The following MARK4 variants were observed in gnomAD, a reference collection of about 807,000 sequenced individuals.
The protein encoded by MARK4 is MAP/microtubule affinity-regulating kinase 4.
A neutral mutation model predicts 81.5 loss-of-function variants in MARK4; 19 were observed. That is an observed-to-expected ratio of 0.23 (90% CI 0.16 to 0.34). MARK4 has a LOEUF of 0.34. Ranked by LOEUF, MARK4 falls within the 10% of genes least tolerant of loss-of-function variation. MARK4 has a pLI of 1.00. For missense variants in MARK4, 772 were observed against 1,058.8 expected (o/e 0.73, Z 3.76); for synonymous variants, 436 against 439.0 (o/e 0.99, Z 0.08).
Position 45,304,662 on chromosome 19 carries a change from TCA to T in MARK4, c.*1955_*1956del, listed in dbSNP as rs1401134149. The T allele has an allele frequency of 1.3e-5, 2 of 152,202 alleles. No individual in the cohort carries two copies. Among genetic ancestry groups the T allele is most frequent in the Admixed American group, 1.3e-4 (2 of 15,252 alleles). 9.4% of individuals were successfully genotyped at this position (152,202 alleles called of 1,614,324 possible). A position where few individuals can be genotyped will look rare whatever the true frequency, so the allele number is the denominator to read the frequency against. On this transcript the variant is annotated 3_prime_UTR_variant, in exon 17 of 17. Transcript: ENST00000262891. The stretch of plus-strand genomic sequence containing the variant: ...AGCCCCAACACTGCCCTCATAGAGC[TCA>T]CAGTCCAATGGAGGAGGCAGATGTG...
intron 1 of MARK4, among the ~76,000 whole-genome samples, chr19:45,251,972 G>A (rs911797266): frequency 6.6e-6 from 1 of 150,660 alleles, no homozygotes; most frequent in Non-Finnish European, 1.5e-5. Flanking sequence ...TCCCCTCCAG[G>A]CCGTCCGCGT....
rs923088884 is a variant in MARK4 at position 45,304,641 on chromosome 19, C to G, written c.*1931C>G. ...GGACACAGTGGTAATCAAGACAGCC[C>G]CAACACTGCCCTCATAGAGCTCACA... is the stretch of plus-strand genomic sequence containing the variant. On this transcript the variant is annotated 3_prime_UTR_variant, in exon 17 of 17. Transcript: ENST00000262891. 3 of 152,200 alleles carry G rather than the reference C, an allele frequency of 2.0e-5. No individual in the cohort carries two copies. Among genetic ancestry groups the G allele is most frequent in the Non-Finnish European group, 4.4e-5 (3 of 68,080 alleles). The allele number at this position is 152,200 out of a possible 1,614,324, so 9.4% of individuals were successfully genotyped here.
At position 45,302,641 on chromosome 19, in the gene MARK4, C is replaced by T. The variant is rs1970993132; in HGVS notation, c.2190C>T (p.Arg730=). 6.5e-7 allele frequency: 1 copy of T among 1,541,680 alleles called. No homozygotes were observed. The highest frequency in any genetic ancestry group is 8.7e-7 in the Non-Finnish European group (1 of 1,149,896). The stretch of plus-strand genomic sequence containing the variant: ...CAGGCTTGCGGGGAGTTCTCTTCCG[C>T]CGTGTGGCGGGCACCGCCCTGGCCT... The part of the protein sequence containing the change: ...PRPGLRGVLF[R]RVAGTALAFR... Residue 730 remains arginine, a synonymous_variant, in exon 17 of 17, where the codon CGC becomes CGT. Coordinates refer to ENST00000262891, the MANE Select transcript of MARK4 (RefSeq NM_001199867.2). The surrounding 1 kb of genome is among the most constrained non-coding windows in gnomAD (Gnocchi z 4.9).
chr19:45,304,084 A>G lies in MARK4; in HGVS notation c.*1374A>G, dbSNP rs746996828. 2.0e-5 allele frequency: 3 copies of G among 152,272 alleles called. No individual in the cohort carries two copies. Among genetic ancestry groups the G allele is most frequent in the Non-Finnish European group, 4.4e-5 (3 of 68,052 alleles). 9.4% of individuals were successfully genotyped at this position (152,272 alleles called of 1,614,324 possible). A position where few individuals can be genotyped will look rare whatever the true frequency, so the allele number is the denominator to read the frequency against. On this transcript the variant is annotated 3_prime_UTR_variant, in exon 17 of 17. Coordinates refer to ENST00000262891, the MANE Select transcript of MARK4 (RefSeq NM_001199867.2). ...GTTGGTTTATGTTACTTAATAGTCC[A>G]GGGGCACCTGGCTTCAGGTAGGTTT...
intron 7 of MARK4, among the ~76,000 whole-genome samples, chr19:45,268,920 G>T (rs1970490095): frequency 6.6e-6 from 1 of 152,146 alleles, no homozygotes; most frequent in South Asian, 2.1e-4. Context: ...CACCTTAGAG[G>T]CTTCCATGAT....
intron 13 of MARK4, among the ~76,000 whole-genome samples, chr19:45,292,901 G>C (rs1336552921): frequency 6.6e-6 from 1 of 152,002 alleles, no homozygotes; most frequent in Non-Finnish European, 1.5e-5. Context: ...AGGCATTAAA[G>C]AGAATAAATC....
chr19:45,259,355 C>T (rs1283853932), intron 2 of MARK4, among the ~76,000 whole-genome samples, 166 bp downstream of exon 2: 1 of 152,148 alleles, frequency 6.6e-6, no homozygotes, highest in Non-Finnish European at 1.5e-5. Flanking sequence ...CCCAGAACCA[C>T]CCCCATGGGA....
In MARK4 at chr19:45,302,536, G is replaced by T. The variant is rs1027657475; in HGVS notation, c.2085G>T (p.Leu695=). The T allele has an allele frequency of 5.6e-6, 9 of 1,599,464 alleles. No homozygotes were observed. Among genetic ancestry groups the T allele is most frequent in the Non-Finnish European group, 7.6e-6 (9 of 1,178,344 alleles). ...GCTGCCGCCAGCCACAGCCGTTCCT[G>T]CTGGCCTGCCTGCACGGGGGTGCGG... ...RCRCRQPQPF[L]LACLHGGAGG... The change falls in exon 17 of 17, where the codon CTG becomes CTT. Residue 695 remains leucine (L), a synonymous_variant. Transcript: ENST00000262891. The surrounding 1 kb of genome is among the most constrained non-coding windows in gnomAD (Gnocchi z 4.9).
intron 13 of MARK4, among the ~76,000 whole-genome samples, chr19:45,290,390 G>A (rs1970805813): frequency 6.6e-6 from 1 of 152,242 alleles, no homozygotes; most frequent in African/African-American, 2.4e-5. Context: ...ATTGTGACTG[G>A]CCTTCACTGG....
chr19:45,278,890 C>T (rs1352308516), intron 10 of MARK4, among the ~76,000 whole-genome samples: 1 of 152,106 alleles, frequency 6.6e-6, no homozygotes, highest in Non-Finnish European at 1.5e-5. Context: ...CAGGTGTGAG[C>T]CACTGTACCC....
rs1304298501 is a variant in MARK4, at chr19:45,303,928, A to G, written c.*1218A>G. The G allele has an allele frequency of 6.6e-6, 1 of 152,252 alleles. No individual in the cohort carries two copies. Among genetic ancestry groups the G allele is most frequent in the Non-Finnish European group, 1.5e-5 (1 of 68,070 alleles). 9.4% of individuals were successfully genotyped at this position (152,252 alleles called of 1,614,324 possible). A position where few individuals can be genotyped will look rare whatever the true frequency, so the allele number is the denominator to read the frequency against. Reference sequence around the variant, plus strand: ...TGGGCAAAAGCCCAGAAGTGGGAGTATGTGGTATATCTTCAGAGAACTGGG... The same window carrying G: ...TGGGCAAAAGCCCAGAAGTGGGAGTGTGTGGTATATCTTCAGAGAACTGGG... On this transcript the variant is annotated 3_prime_UTR_variant, in exon 17 of 17. Coordinates refer to ENST00000262891, the MANE Select transcript of MARK4 (RefSeq NM_001199867.2).
chr19:45,302,231 A>T lies in MARK4; in HGVS notation c.1923-143A>T. The T allele has an allele frequency of 6.5e-7, 1 of 1,530,482 alleles. No individual in the cohort carries two copies. The highest frequency in any genetic ancestry group is 2.3e-5 in the East Asian group (1 of 44,130). The allele number at this position is 1,530,482 out of a possible 1,614,324, so 94.8% of individuals were successfully genotyped here. Reference sequence around the variant, plus strand: ...GCTGGGCAGCTCTGTATCCAGTTGAAACTGTCGCTGGGGTAACAGGGGAAG... The same window carrying T: ...GCTGGGCAGCTCTGTATCCAGTTGATACTGTCGCTGGGGTAACAGGGGAAG... On this transcript the variant is annotated intron_variant, in intron 16 of 16. Coordinates refer to ENST00000262891, the MANE Select transcript of MARK4 (RefSeq NM_001199867.2). This position sits in a 1 kb window ranked among gnomAD's most constrained non-coding sequence, Gnocchi z 4.9.
At chr19:45,297,048 C>CA (rs35511511) in intron 14 of MARK4, among the ~76,000 whole-genome samples, 36,047 of 90,316 alleles carry the variant, frequency 0.4, 5,971 homozygotes, top group African/African-American at 0.46. Context: ...GACTCTGTCT[C>CA]AAAAAAAAAA....
rs1970761481 is a variant in MARK4, at chr19:45,287,585, C to T, written c.1415C>T (p.Ser472Phe). ...AGTGGGAGTCGAGGGCTGCCCCCCT[C>T]CAGCCCCATGGTCAGCAGCGCCCAC... The part of the protein sequence containing the change: ...AGSGSRGLPP[S>F]SPMVSSAHNP... Residue 472 changes from serine (S) to phenylalanine (F), a missense_variant, in exon 13 of 17, where the codon TCC becomes TTC. By Grantham distance (155) the Ser-to-Phe change is radical. Around this residue, in one of 3 missense-constraint regions of MARK4, gnomAD observed 548 missense variants for 624.3 expected, o/e 0.88. Transcript: ENST00000262891. 6.3e-7 allele frequency: 1 copy of T among 1,598,546 alleles called. No homozygotes were observed. Among genetic ancestry groups the T allele is most frequent in the South Asian group, 1.1e-5 (1 of 89,690 alleles).
intron 1 of MARK4, among the ~76,000 whole-genome samples, chr19:45,257,314 T>G (rs1453503731): frequency 6.6e-6 from 1 of 152,170 alleles, no homozygotes; most frequent in East Asian, 1.9e-4. Flanking sequence ...TACATTGTTT[T>G]TATAGCTGTA....
intron 13 of MARK4, 53 bp from the exon 14 acceptor site, chr19:45,294,296 C>T: frequency 6.5e-7 from 1 of 1,540,472 alleles, no homozygotes. Flanking sequence ...GAGGGAGAAG[C>T]TCAGGGGCAT....
intron 16 of MARK4, among the ~76,000 whole-genome samples, chr19:45,301,735 C>T (rs1440339829): frequency 1.3e-5 from 2 of 150,974 alleles, no homozygotes; most frequent in African/African-American, 2.4e-5. Context: ...CGTGGTGGCG[C>T]GTGCCTGTAA....
intron 1 of MARK4, among the ~76,000 whole-genome samples, chr19:45,255,342 C>T: frequency 6.6e-6 from 1 of 152,116 alleles, no homozygotes. Context: ...GGGCAGATCA[C>T]CTGAGGTCAG....
At chr19:45,251,897 C>A (rs1228325918) in intron 1 of MARK4, among the ~76,000 whole-genome samples, 1 of 151,972 alleles carries the variant, frequency 6.6e-6, no homozygotes, top group Non-Finnish European at 1.5e-5. Context: ...GGGTCTGTTC[C>A]CTCCAGGAAG....
Sources: allele counts gnomAD v4.1 joint callset (sites outside exome capture counted in the v4.1 genomes callset), GRCh38; gene constraint gnomAD v4.1.1; regional missense constraint gnomAD v4.1.1; non-coding constraint Gnocchi (gnomAD v3.1); transcripts MANE v1.5; gene names NCBI Gene and HGNC (gene_info 2026-07-23, HGNC 2026-07-21).